Variants in AGBL4 observed in about 807,000 individuals in gnomAD.
AGBL4 encodes cytosolic carboxypeptidase 6.
In AGBL4, 58 loss-of-function variants were observed where a neutral mutation model predicts 66.4. The observed-to-expected ratio is 0.87, with a 90% CI of 0.71 to 1.09. The LOEUF (loss-of-function observed/expected upper bound fraction) is 1.09, where lower values mean the gene tolerates loss of function less well. Ranked by LOEUF, AGBL4 falls within the 50% of genes least tolerant of loss-of-function variation. AGBL4 has a pLI of 0.00. For synonymous variants in AGBL4, 234 were observed against 222.9 expected (o/e 1.05, Z -0.44); for missense variants, 579 against 631.0 (o/e 0.92, Z 0.88).
intron 6 of AGBL4, among the ~76,000 whole-genome samples, chr1:48,687,102 C>G (rs1442811835): frequency 6.6e-6 from 1 of 152,064 alleles, no homozygotes; most frequent in Non-Finnish European, 1.5e-5. Context: ...GACAGACAGG[C>G]AGGGAGACAC....
At chr1:48,780,098 T>A (rs753789070) in intron 6 of AGBL4, among the ~76,000 whole-genome samples, 2 of 152,112 alleles carry the variant, frequency 1.3e-5, no homozygotes, top group Non-Finnish European at 2.9e-5. Flanking sequence ...TACATAGGTA[T>A]ACACATGCCA....
chr1:49,423,808 C>A (rs1222375200), intron 3 of AGBL4, among the ~76,000 whole-genome samples: 6 of 15,120 alleles, frequency 4.0e-4, no homozygotes, highest in African/African-American at 7.3e-4. Flanking sequence ...TAAGACTCGG[C>A]CAAAAAAAAA....
At chr1:49,955,303 A>C (rs1177208481) in intron 1 of AGBL4, among the ~76,000 whole-genome samples, 1 of 152,044 alleles carries the variant, frequency 6.6e-6, no homozygotes, top group Non-Finnish European at 1.5e-5. Flanking sequence ...TTACAAAAAC[A>C]AAGTTTCACT....
In AGBL4 at chr1:49,457,721, T is replaced by G. The variant is rs534337341; in HGVS notation, c.283-211857A>C. Among the ~76,000 whole-genome samples, 125 of 152,006 alleles carry G rather than the reference T, an allele frequency of 8.2e-4. 1 individual carries two copies. Among genetic ancestry groups the G allele is most frequent in the Non-Finnish European group, 1.4e-3 (95 of 67,888 alleles). The stretch of plus-strand genomic sequence containing the variant: ...CTTAGATTTAAGTCTTTGATCCATC[T>G]TTAGTTTATTTTTGTACAAGGTGAG... On this transcript the variant is annotated intron_variant, in intron 3 of 13. Coordinates refer to ENST00000371839, the MANE Select transcript of AGBL4 (RefSeq NM_032785.4).
intron 3 of AGBL4, among the ~76,000 whole-genome samples, chr1:49,386,919 A>G (rs1346773251): frequency 6.6e-6 from 1 of 151,980 alleles, no homozygotes; most frequent in Admixed American, 6.6e-5. Context: ...AAATGAAGGT[A>G]ATAATATCTA....
chr1:49,976,238 A>T (rs185899326), intron 1 of AGBL4, among the ~76,000 whole-genome samples: 290 of 152,278 alleles, frequency 1.9e-3, no homozygotes, highest in South Asian at 4.6e-3. Context: ...TTCCTCAGAC[A>T]AGTCTTCCCA....
chr1:49,375,702 T>C (rs1376591871), intron 3 of AGBL4, among the ~76,000 whole-genome samples: 1 of 152,064 alleles, frequency 6.6e-6, no homozygotes, highest in Admixed American at 6.6e-5. Flanking sequence ...CAAAGCACAA[T>C]TCATCATTTC....
At chr1:49,962,997 CATCA>C (rs1657243504) in intron 1 of AGBL4, among the ~76,000 whole-genome samples, 1 of 152,132 alleles carries the variant, frequency 6.6e-6, no homozygotes, top group South Asian at 2.1e-4. Flanking sequence ...TTCCCCTGCA[CATCA>C]ATCAAAGTGA....
intron 5 of AGBL4, among the ~76,000 whole-genome samples, chr1:48,978,034 C>T (rs1158373216): frequency 6.6e-6 from 1 of 152,074 alleles, no homozygotes; most frequent in Non-Finnish European, 1.5e-5. Flanking sequence ...TATCTAGAAA[C>T]AGATACAGTG....
At chr1:49,218,515 T>C (rs1649250647) in intron 4 of AGBL4, among the ~76,000 whole-genome samples, 1 of 149,758 alleles carries the variant, frequency 6.7e-6, no homozygotes, top group Non-Finnish European at 1.5e-5. Context: ...GTTACATAGC[T>C]GGATAGGGGA....
intron 5 of AGBL4, among the ~76,000 whole-genome samples, chr1:48,993,550 G>A (rs564789336): frequency 8.5e-5 from 13 of 152,232 alleles, no homozygotes; most frequent in African/African-American, 1.2e-4. Context: ...CCCTGACCCC[G>A]GAACAGCACT....
intron 6 of AGBL4, among the ~76,000 whole-genome samples, chr1:48,725,375 G>C (rs1647219059): frequency 6.6e-6 from 1 of 152,212 alleles, no homozygotes; most frequent in African/African-American, 2.4e-5. Context: ...CAATTCTTAA[G>C]ATTGGGCAAG....
In AGBL4 at chr1:49,567,102, G is replaced by T. The variant is rs12059760; in HGVS notation, c.282+130211C>A. Among the ~76,000 whole-genome samples, 660 of 152,354 alleles carry T rather than the reference G, an allele frequency of 4.3e-3. 7 individuals carry two copies. Among genetic ancestry groups the T allele is most frequent in the African/African-American group, 0.015 (618 of 41,582 alleles). On this transcript the variant is annotated intron_variant, in intron 3 of 13. Coordinates refer to ENST00000371839, the MANE Select transcript of AGBL4 (RefSeq NM_032785.4). ...CGTGGGCATAGGACCCTCCAAGCCA[G>T]ATGCAGGATATAATCTCCTAGTGTG...
At chr1:49,208,762 C>T (rs1648443120) in intron 4 of AGBL4, among the ~76,000 whole-genome samples, 1 of 152,080 alleles carries the variant, frequency 6.6e-6, no homozygotes. Context: ...TAATTCAAAT[C>T]ATTGTTCCAA....
In AGBL4 at chr1:49,580,369, T is replaced by C. The variant is rs963733119; in HGVS notation, c.282+116944A>G. 7.6e-4 allele frequency among the ~76,000 whole-genome samples: 116 copies of C among 152,226 alleles called. 1 individual carries two copies. The highest frequency in any genetic ancestry group is 2.7e-3 in the African/African-American group (113 of 41,462). ...TACTGTAATGTTGTTAATAGTTTAC[T>C]AGTAGTTGTAAAAATTCTTTGTTTC... On this transcript the variant is annotated intron_variant, in intron 3 of 13. Coordinates refer to ENST00000371839, the MANE Select transcript of AGBL4 (RefSeq NM_032785.4).
At chr1:49,450,278 A>C (rs1646249717) in intron 3 of AGBL4, among the ~76,000 whole-genome samples, 1 of 152,106 alleles carries the variant, frequency 6.6e-6, no homozygotes, top group African/African-American at 2.4e-5. Context: ...AAAAGTCATC[A>C]GTTTATAAAT....
chr1:48,681,816 G>T (rs1380775908), intron 6 of AGBL4, among the ~76,000 whole-genome samples: 2 of 152,174 alleles, frequency 1.3e-5, no homozygotes, highest in Non-Finnish European at 2.9e-5. Context: ...GGGAGTGGGG[G>T]AGGGCCTGGC....
intron 3 of AGBL4, among the ~76,000 whole-genome samples, chr1:49,657,167 T>C (rs1242215782): frequency 6.6e-6 from 1 of 152,172 alleles, no homozygotes; most frequent in Non-Finnish European, 1.5e-5. Flanking sequence ...AGTCTCAGGA[T>C]ACAAAATCAA....
intron 11 of AGBL4, among the ~76,000 whole-genome samples, chr1:48,553,845 G>A (rs991811337): frequency 1.3e-5 from 2 of 152,030 alleles, no homozygotes; most frequent in East Asian, 1.9e-4. Context: ...ACTCTTCTGC[G>A]ATTAGTGAGA....
Sources: gnomAD v4.1 joint callset for allele counts (sites outside exome capture counted in the v4.1 genomes callset) on GRCh38, gnomAD v4.1.1 for gene constraint, MANE v1.5 for transcripts, NCBI Gene and HGNC (gene_info 2026-07-23, HGNC 2026-07-21) for gene names.